RAPGEF4: variants seen among roughly 807,000 people sequenced by gnomAD.
RAPGEF4 encodes Rap guanine nucleotide exchange factor 4.
In RAPGEF4, 66 loss-of-function variants were observed where a neutral mutation model predicts 147.9. The observed-to-expected ratio is 0.45, with a 90% confidence interval of 0.37 to 0.55. The LOEUF (loss-of-function observed/expected upper bound fraction) is 0.55, where lower values mean the gene tolerates loss of function less well. Among genes scored for constraint, RAPGEF4 ranks in the 20% least tolerant of loss-of-function variants. The probability of loss-of-function intolerance (pLI) is 0.00; values close to 1 mark genes in which losing one functional copy is unlikely to be tolerated. For missense variants in RAPGEF4, 1,071 were observed against 1,257.3 expected, an observed-to-expected ratio of 0.85 and a Z score of 2.24; for synonymous variants, 419 against 442.7, an observed-to-expected ratio of 0.95 and a Z score of 0.67.
intron 10 of RAPGEF4, among the ~76,000 whole-genome samples, chr2:172,970,936 G>A (rs746144813): frequency 6.6e-6 from 1 of 152,198 alleles, no homozygotes; most frequent in African/African-American, 2.4e-5. Flanking sequence ...GCTACAGAAC[G>A]ATGACAGTTT....
At chr2:172,776,227 GGT>G (rs1684147231) in intron 1 of RAPGEF4, among the ~76,000 whole-genome samples, 1 of 152,128 alleles carries the variant, frequency 6.6e-6, no homozygotes, top group Admixed American at 6.5e-5. Context: ...GGCTCAGGGA[GGT>G]TAAGCAACTT....
intron 12 of RAPGEF4, among the ~76,000 whole-genome samples, chr2:172,987,547 C>T (rs1692397383): frequency 6.6e-6 from 1 of 152,188 alleles, no homozygotes; most frequent in Admixed American, 6.5e-5. Flanking sequence ...TGTGTCTCTA[C>T]TGAACATGTA....
intron 6 of RAPGEF4, among the ~76,000 whole-genome samples, chr2:172,927,589 C>T (rs780454857): frequency 3.3e-5 from 5 of 151,818 alleles, no homozygotes; most frequent in Admixed American, 6.6e-5. Flanking sequence ...GAGCCAGGAT[C>T]GTACCACTGC....
intron 3 of RAPGEF4, among the ~76,000 whole-genome samples, chr2:172,807,069 C>A (rs1229153672): frequency 1.3e-5 from 2 of 152,160 alleles, no homozygotes; most frequent in African/African-American, 4.8e-5. Context: ...TTTATTGAGC[C>A]CATAAAACGT....
chr2:172,876,580 T>C (rs1003952590), intron 4 of RAPGEF4, among the ~76,000 whole-genome samples: 7 of 152,222 alleles, frequency 4.6e-5, no homozygotes, highest in African/African-American at 1.7e-4. Context: ...GAACCAGCCT[T>C]GCATCCCAGG....
chr2:172,828,447 C>T (rs905587562), intron 4 of RAPGEF4, among the ~76,000 whole-genome samples: 2 of 152,166 alleles, frequency 1.3e-5, no homozygotes, highest in Admixed American at 1.3e-4. Flanking sequence ...AGGAGAAGCC[C>T]TTTGGAGCCT....
Position 172,905,503 on chromosome 2 carries a change from C to T in RAPGEF4, c.445-12299C>T, listed in dbSNP as rs118052499. ...CTTTCACTTGAGAGTACTTGAGGCTCCCTACATGTATGGGTCAGAATCTTG... is the reference window on the plus strand; with the variant it reads ...CTTTCACTTGAGAGTACTTGAGGCTTCCTACATGTATGGGTCAGAATCTTG... On this transcript the variant is annotated intron_variant, in intron 4 of 30. Coordinates refer to ENST00000397081, the MANE Select transcript of RAPGEF4 (RefSeq NM_007023.4). Among the ~76,000 whole-genome samples the T allele has an allele frequency of 2.0e-5, 3 of 152,302 alleles. No individual in the cohort carries two copies. The East Asian group carries it at 5.8e-4, about 29-fold the overall frequency.
intron 27 of RAPGEF4, among the ~76,000 whole-genome samples, chr2:173,034,872 C>CAACACACACACACACA (rs1683731257): frequency 2.9e-5 from 2 of 69,782 alleles, no homozygotes; most frequent in South Asian, 1.1e-3. Flanking sequence ...GACCCCGTCT[C>CAACACACACACACACA]AACACACACA....
intron 1 of RAPGEF4, among the ~76,000 whole-genome samples, chr2:172,753,715 A>T (rs529545833): frequency 6.6e-6 from 1 of 151,686 alleles, no homozygotes; most frequent in Non-Finnish European, 1.5e-5. Flanking sequence ...TTTTTTTTTT[A>T]AAGCTTACTA....
chr2:172,810,428 A>C (rs1687913261), intron 3 of RAPGEF4, among the ~76,000 whole-genome samples: 1 of 152,242 alleles, frequency 6.6e-6, no homozygotes. Flanking sequence ...CCCAGTTCCC[A>C]CTCACACACA....
intron 6 of RAPGEF4, among the ~76,000 whole-genome samples, chr2:172,942,456 C>G (rs1459513790): frequency 6.6e-6 from 1 of 151,234 alleles, no homozygotes; most frequent in Admixed American, 6.6e-5. Context: ...TTTAATGAGC[C>G]TTTATTGTTT....
chr2:172,871,728 A>G (rs549852142), intron 4 of RAPGEF4, among the ~76,000 whole-genome samples: 3 of 151,530 alleles, frequency 2.0e-5, no homozygotes, highest in Non-Finnish European at 4.4e-5. Flanking sequence ...CAAAGGAAGT[A>G]TATATTAAAT....
chr2:172,811,886 G>A (rs911657595), intron 3 of RAPGEF4, among the ~76,000 whole-genome samples: 3 of 152,126 alleles, frequency 2.0e-5, no homozygotes, highest in Admixed American at 1.3e-4. Context: ...ACATTGCAAG[G>A]CCCTGCCTGT....
intron 17 of RAPGEF4, among the ~76,000 whole-genome samples, chr2:173,002,395 C>G (rs1014190601): frequency 4.6e-5 from 7 of 152,176 alleles, no homozygotes; most frequent in African/African-American, 1.7e-4. Context: ...TTTGGAATGG[C>G]CCAGTTGATG....
At position 172,937,869 on chromosome 2, in the gene RAPGEF4, A is replaced by G. The variant is rs563945592; in HGVS notation, c.537+15569A>G. Reference sequence around the variant, plus strand: ...CTTTGGGTTATAATCCAATACTACCATATTAATTTTATTGCTCAAATTGTT... The same window carrying G: ...CTTTGGGTTATAATCCAATACTACCGTATTAATTTTATTGCTCAAATTGTT... On this transcript the variant is annotated intron_variant, in intron 6 of 30. Transcript: ENST00000397081. Among the ~76,000 whole-genome samples the G allele has an allele frequency of 2.6e-5, 4 of 152,196 alleles. No homozygotes were observed. The East Asian group carries it at 5.8e-4, about 22-fold the overall frequency.
chr2:172,822,003 G>A (rs905715053), intron 4 of RAPGEF4: 3 of 1,610,792 alleles, frequency 1.9e-6, no homozygotes, highest in Middle Eastern at 1.6e-4. Flanking sequence ...TTATTTTTTA[G>A]TGAAGGGTGG....
rs570934375 is a variant in RAPGEF4, at chr2:173,015,792, G to A, written c.1810-557G>A. On this transcript the variant is annotated intron_variant, in intron 18 of 30. Coordinates refer to ENST00000397081, the MANE Select transcript of RAPGEF4 (RefSeq NM_007023.4). ...GGTGGCACAAACTCATCATAAATTC[G>A]CTACAGTGCTGAAGACCATGCTGCA... Among the ~76,000 whole-genome samples, 3 of 152,258 alleles carry A rather than the reference G, an allele frequency of 2.0e-5. No individual in the cohort carries two copies. The South Asian group carries it at 6.2e-4, about 32-fold the overall frequency.
intron 4 of RAPGEF4, among the ~76,000 whole-genome samples, chr2:172,857,757 G>A (rs1394860252): frequency 3.3e-5 from 5 of 151,760 alleles, no homozygotes; most frequent in African/African-American, 1.2e-4. Context: ...TGGCGTGCCT[G>A]CAGTCCCAGA....
chr2:173,003,658 G>T, intron 17 of RAPGEF4, among the ~76,000 whole-genome samples: 1 of 151,806 alleles, frequency 6.6e-6, no homozygotes, highest in Non-Finnish European at 1.5e-5. Flanking sequence ...AGGGCAAATA[G>T]CTGAGTTCTC....
Sources: gnomAD v4.1 joint callset for allele counts (sites outside exome capture counted in the v4.1 genomes callset) on GRCh38, gnomAD v4.1.1 for gene constraint, MANE v1.5 for transcripts, NCBI Gene and HGNC (gene_info 2026-07-23, HGNC 2026-07-21) for gene names.